TMPRSS7: variants seen among roughly 807,000 people sequenced by gnomAD.
TMPRSS7 encodes the protein transmembrane protease serine 7.
TMPRSS7 carries 81 observed loss-of-function variants against 95.6 expected under a neutral mutation model. The ratio of observed to expected loss-of-function variants is 0.85; its 90% CI spans 0.71 to 1.02. The LOEUF is 1.02. Ranked by LOEUF, TMPRSS7 falls within the 50% of genes least tolerant of loss-of-function variation. TMPRSS7 has a pLI of 0.00. For missense variants in TMPRSS7, 945 were observed against 955.2 expected, an observed-to-expected ratio of 0.99 and a Z score of 0.14; for synonymous variants, 364 against 337.8, an observed-to-expected ratio of 1.08 and a Z score of -0.85.
At position 112,063,506 on chromosome 3, in the gene TMPRSS7, G is replaced by A. The variant is rs555894306; in HGVS notation, c.1448-19G>A. ...ATCTATCCAAGATTTTCTATTTTTT[G>A]ATTTTTTGTTGCCCATAGCCTGCCC... On this transcript the variant is annotated intron_variant, in intron 11 of 17. Transcript: ENST00000452346. The A allele has an allele frequency of 6.3e-5, 101 of 1,594,782 alleles. 1 individual carries two copies. In the South Asian group the frequency reaches 1.1e-3, roughly 17 times the overall value.
chr3:112,049,559 A>G (rs931984703), intron 7 of TMPRSS7, among the ~76,000 whole-genome samples: 1 of 152,196 alleles, frequency 6.6e-6, no homozygotes, highest in Non-Finnish European at 1.5e-5. Context: ...CTTAGCCATT[A>G]GATACACTAC....
chr3:112,049,754 C>A, intron 7 of TMPRSS7, 90 bp from the exon 8 acceptor site: 1 of 1,125,652 alleles, frequency 8.9e-7, no homozygotes, highest in Non-Finnish European at 1.2e-6. Flanking sequence ...GAATGGATGG[C>A]CCAGGAAATG....
chr3:112,050,792 G>C lies in TMPRSS7; in HGVS notation c.1203+9G>C. ...GTACCTGGAAATTTCAGGTAGCCTAGTTCTACCAGTGTCTTAGAAAAATAT... is the reference window on the plus strand; with the variant it reads ...GTACCTGGAAATTTCAGGTAGCCTACTTCTACCAGTGTCTTAGAAAAATAT... On this transcript the variant is annotated intron_variant, in intron 9 of 17. Transcript: ENST00000452346. The C allele has an allele frequency of 1.3e-6, 2 of 1,481,782 alleles. No homozygotes were observed. Among genetic ancestry groups the C allele is most frequent in the Non-Finnish European group, 1.9e-6 (2 of 1,075,576 alleles). The allele number at this position is 1,481,782 out of a possible 1,614,324, so 91.8% of individuals were successfully genotyped here.
At chr3:112,043,927 T>G (rs2073243342) in intron 3 of TMPRSS7, among the ~76,000 whole-genome samples, 1 of 152,224 alleles carries the variant, frequency 6.6e-6, no homozygotes, top group Non-Finnish European at 1.5e-5. Context: ...GAAAATGTAC[T>G]TAAATGAGTT....
rs1226215621 is a variant in TMPRSS7 at position 112,047,019 on chromosome 3, T to A, written c.730+7T>A. Reference sequence around the variant, plus strand: ...TCGTCAACCATAGGATCTGGTAAATTCTTTCATGTGGTTCCCCCTCCCCCC... The same window carrying A: ...TCGTCAACCATAGGATCTGGTAAATACTTTCATGTGGTTCCCCCTCCCCCC... On this transcript the variant is annotated splice_region_variant and intron_variant, in intron 6 of 17. Transcript: ENST00000452346. 2.8e-6 allele frequency: 2 copies of A among 702,604 alleles called. No homozygotes were observed. The highest frequency in any genetic ancestry group is 5.2e-6 in the Non-Finnish European group (2 of 384,802). 43.5% of individuals were successfully genotyped at this position (702,604 alleles called of 1,614,324 possible).
upstream of TMPRSS7, chr3:112,034,804 CT>C: frequency 1.4e-6 from 1 of 701,984 alleles, no homozygotes; most frequent in South Asian, 1.5e-5. Flanking sequence ...CAAAAACTGG[CT>C]TTGAGACACC....
intron 8 of TMPRSS7, 107 bp from the exon 9 acceptor site, chr3:112,050,564 C>G (rs2073333938): frequency 2.8e-6 from 1 of 358,898 alleles, no homozygotes; most frequent in East Asian, 5.6e-5. Context: ...ATGTATAAAG[C>G]TTGTCGATCA....
intron 1 of TMPRSS7, among the ~76,000 whole-genome samples, chr3:112,035,223 T>TG (rs1245044292): frequency 1.3e-5 from 2 of 152,240 alleles, no homozygotes; most frequent in Non-Finnish European, 2.9e-5. Context: ...CAGTTCAACA[T>TG]GTACTGGCAT....
At chr3:112,057,509 T>C (rs1324112651) in intron 10 of TMPRSS7, among the ~76,000 whole-genome samples, 1 of 152,160 alleles carries the variant, frequency 6.6e-6, no homozygotes, top group African/African-American at 2.4e-5. Flanking sequence ...AAAGTCCCAG[T>C]TGGCCTGGCT....
At chr3:112,066,966 C>T (rs1288026543) in intron 13 of TMPRSS7, among the ~76,000 whole-genome samples, 2 of 152,164 alleles carry the variant, frequency 1.3e-5, no homozygotes, top group African/African-American at 4.8e-5. Context: ...TCTCCTAATG[C>T]TATCCCTCCC....
intron 10 of TMPRSS7, among the ~76,000 whole-genome samples, chr3:112,060,910 A>G (rs1342170247): frequency 2.0e-5 from 3 of 152,228 alleles, no homozygotes; most frequent in Non-Finnish European, 4.4e-5. Context: ...AAGAAATTAT[A>G]AAAGTGTTAA....
At chr3:112,079,996 C>T (rs895634847) in intron 17 of TMPRSS7, among the ~76,000 whole-genome samples, 1 of 152,108 alleles carries the variant, frequency 6.6e-6, no homozygotes, top group Non-Finnish European at 1.5e-5. Flanking sequence ...TTCCACACAG[C>T]CACAAGTGTT....
intron 9 of TMPRSS7, among the ~76,000 whole-genome samples, chr3:112,051,692 T>TATCTATCTATCTATCTATC (rs1490134446): frequency 6.6e-6 from 1 of 151,790 alleles, no homozygotes; most frequent in East Asian, 1.9e-4. Context: ...TCTATCTATC[T>TATCTATCTATCTATCTATC]ATCTCTATTA....
At chr3:112,035,439 G>C (rs1390545785) in intron 1 of TMPRSS7, among the ~76,000 whole-genome samples, 1 of 152,180 alleles carries the variant, frequency 6.6e-6, no homozygotes, top group Non-Finnish European at 1.5e-5. Flanking sequence ...CAAGGTGTTT[G>C]GCAAAAAGAA....
At chr3:112,039,690 C>T (rs1252841263) in intron 2 of TMPRSS7, 3 of 152,196 alleles carry the variant, frequency 2.0e-5, no homozygotes, top group Non-Finnish European at 4.4e-5. Context: ...TTCTGGACCT[C>T]GCTGTAGGTA....
chr3:112,070,451 G>A (rs985640554), intron 13 of TMPRSS7, among the ~76,000 whole-genome samples: 1 of 152,162 alleles, frequency 6.6e-6, no homozygotes, highest in African/African-American at 2.4e-5. Context: ...CATTATTATT[G>A]TGTGGGAGTC....
Position 112,044,205 on chromosome 3 carries a change from A to G in TMPRSS7, c.430-50A>G, listed in dbSNP as rs774777. ...GCCTACAACATTTAAGATACTGTAAAAGGAAGTCAAGTATGAAATACTTCA... is the reference window on the plus strand; with the variant it reads ...GCCTACAACATTTAAGATACTGTAAGAGGAAGTCAAGTATGAAATACTTCA... On this transcript the variant is annotated intron_variant, in intron 3 of 17. Transcript: ENST00000452346. The G allele has an allele frequency of 6.5e-4, 865 of 1,337,362 alleles. 3 individuals are homozygous for G. The African/African-American group carries it at 0.011, about 17-fold the overall frequency. The allele number at this position is 1,337,362 out of a possible 1,614,324, so 82.8% of individuals were successfully genotyped here.
intron 14 of TMPRSS7, among the ~76,000 whole-genome samples, chr3:112,074,882 T>C (rs1039046783): frequency 1.3e-5 from 2 of 152,226 alleles, no homozygotes; most frequent in Admixed American, 1.3e-4. Flanking sequence ...ACCAATACTA[T>C]TTACACTAGC....
chr3:112,076,730 TG>T, intron 15 of TMPRSS7, 145 bp from the exon 16 acceptor site: 1 of 929,870 alleles, frequency 1.1e-6, no homozygotes, highest in Non-Finnish European at 1.6e-6. Context: ...CTTTCTGCCA[TG>T]GTCCCCGGAC....
Sources: gnomAD v4.1 joint callset for allele counts (sites outside exome capture counted in the v4.1 genomes callset) on GRCh38, gnomAD v4.1.1 for gene constraint, MANE v1.5 for transcripts, NCBI Gene and HGNC (gene_info 2026-07-23, HGNC 2026-07-21) for gene names.